AGO3: variants seen among roughly 807,000 people sequenced by gnomAD.
AGO3 encodes protein argonaute-3.
In AGO3, 16 loss-of-function variants were observed where a neutral mutation model predicts 105.5. The ratio of observed to expected loss-of-function variants is 0.15; its 90% confidence interval spans 0.10 to 0.23. AGO3 has a LOEUF of 0.23. AGO3 is among the 10% of genes least tolerant of loss of function. The pLI is 1.00. For missense variants in AGO3, 534 were observed against 1,088.0 expected (o/e 0.49, Z 7.16); for synonymous variants, 340 against 367.3 (o/e 0.93, Z 0.85).
At chr1:36,018,142 T>G (rs1641003942) in intron 11 of AGO3, among the ~76,000 whole-genome samples, 1 of 151,384 alleles carries the variant, frequency 6.6e-6, no homozygotes, top group South Asian at 2.1e-4. Flanking sequence ...CCCAACTAAT[T>G]TTTTGTATTC....
chr1:35,996,993 G>T (rs1639859364), intron 5 of AGO3, among the ~76,000 whole-genome samples: 1 of 152,046 alleles, frequency 6.6e-6, no homozygotes, highest in South Asian at 2.1e-4. Context: ...AAAATAGTTT[G>T]GCGGCCAGAC....
Position 36,027,006 on chromosome 1 carries a change from C to T in AGO3, c.1407-108C>T. The stretch of plus-strand genomic sequence containing the variant: ...CTGGTGACCTCTCATATATGAAGCA[C>T]ACAAATCTTTGCTTCATCCTTCCAT... On this transcript the variant is annotated intron_variant, in intron 11 of 18. Coordinates refer to ENST00000373191, the MANE Select transcript of AGO3 (RefSeq NM_024852.4). The surrounding 1 kb of genome is among the most constrained non-coding windows in gnomAD (Gnocchi z 4.0). 1.6e-6 allele frequency: 2 copies of T among 1,288,688 alleles called. No homozygotes were observed. The highest frequency in any genetic ancestry group is 1.1e-6 in the Non-Finnish European group (1 of 925,384). The allele number at this position is 1,288,688 out of a possible 1,614,324, so 79.8% of individuals were successfully genotyped here.
At chr1:35,988,685 G>A (rs1010017204) in intron 5 of AGO3, among the ~76,000 whole-genome samples, 6 of 151,872 alleles carry the variant, frequency 4.0e-5, no homozygotes, top group Admixed American at 3.9e-4. Context: ...TCTGTCGATG[G>A]TCGCTTAGGT....
intron 5 of AGO3, among the ~76,000 whole-genome samples, chr1:36,002,969 G>T (rs1641612414): frequency 6.6e-6 from 1 of 152,112 alleles, no homozygotes; most frequent in Non-Finnish European, 1.5e-5. Flanking sequence ...TACTCAGGAG[G>T]CTGAGGCAGG....
intron 11 of AGO3, among the ~76,000 whole-genome samples, chr1:36,021,394 G>T (rs112664259): frequency 1.3e-5 from 2 of 151,944 alleles, no homozygotes; most frequent in Non-Finnish European, 2.9e-5. Context: ...ATAGTTTAAC[G>T]TAATAACCAT....
intron 17 of AGO3, among the ~76,000 whole-genome samples, chr1:36,047,033 T>C (rs1402189000): frequency 6.6e-6 from 1 of 151,988 alleles, no homozygotes; most frequent in Admixed American, 6.6e-5. Flanking sequence ...ACACCTGAGG[T>C]CGGGAGTTCA....
At chr1:35,960,645 A>C (rs995170779) in intron 2 of AGO3, among the ~76,000 whole-genome samples, 1 of 151,952 alleles carries the variant, frequency 6.6e-6, no homozygotes, top group Admixed American at 6.6e-5. Context: ...CCATCTCTTT[A>C]AAAAAAATTC....
intron 2 of AGO3, among the ~76,000 whole-genome samples, chr1:35,948,015 C>T (rs1158327625): frequency 6.6e-6 from 1 of 152,200 alleles, no homozygotes; most frequent in African/African-American, 2.4e-5. Context: ...GTGATTGTGC[C>T]TGTGAACAGC....
chr1:36,018,755 A>G (rs1332966173), intron 11 of AGO3, among the ~76,000 whole-genome samples: 1 of 152,102 alleles, frequency 6.6e-6, no homozygotes, highest in East Asian at 1.9e-4. Flanking sequence ...TTTATCCTTC[A>G]CAAATAAAAG....
At chr1:36,010,730 A>C (rs1185679267) in intron 9 of AGO3, among the ~76,000 whole-genome samples, 1 of 151,914 alleles carries the variant, frequency 6.6e-6, no homozygotes, top group East Asian at 1.9e-4. Flanking sequence ...AACATAGAGA[A>C]ACTCCGTGTC....
Position 36,027,044 on chromosome 1 carries a change from C to G in AGO3, c.1407-70C>G. 1 of 1,509,486 alleles carries G rather than the reference C, an allele frequency of 6.6e-7. No homozygotes were observed. The highest frequency in any genetic ancestry group is 8.9e-7 in the Non-Finnish European group (1 of 1,119,374). 93.5% of individuals were successfully genotyped at this position (1,509,486 alleles called of 1,614,324 possible). The stretch of plus-strand genomic sequence containing the variant: ...TTCATCCTTCCATTCCCTTCCCAAA[C>G]TTCCCATTACTACTTTGTAGGAATT... On this transcript the variant is annotated intron_variant, in intron 11 of 18. Coordinates refer to ENST00000373191, the MANE Select transcript of AGO3 (RefSeq NM_024852.4). The surrounding 1 kb of genome is among the most constrained non-coding windows in gnomAD (Gnocchi z 4.0).
intron 5 of AGO3, among the ~76,000 whole-genome samples, chr1:35,995,508 G>A (rs967979117): frequency 3.3e-5 from 5 of 151,972 alleles, no homozygotes; most frequent in African/African-American, 7.3e-5. Flanking sequence ...TGCCAAAAAG[G>A]TTAGTCTTCT....
intron 6 of AGO3, among the ~76,000 whole-genome samples, chr1:36,006,906 T>G (rs1404988448): frequency 6.6e-6 from 1 of 152,254 alleles, no homozygotes; most frequent in Non-Finnish European, 1.5e-5. Flanking sequence ...GGTACTAATT[T>G]TCTTACCTAA....
At chr1:35,960,253 T>G (rs1370435268) in intron 2 of AGO3, among the ~76,000 whole-genome samples, 1 of 152,188 alleles carries the variant, frequency 6.6e-6, no homozygotes, top group African/African-American at 2.4e-5. Flanking sequence ...AAGATTCTAA[T>G]AAACTACCCT....
At chr1:35,999,894 T>A (rs528496365) in intron 5 of AGO3, among the ~76,000 whole-genome samples, 2 of 152,218 alleles carry the variant, frequency 1.3e-5, no homozygotes, top group South Asian at 4.1e-4. Flanking sequence ...TAAAATTAAG[T>A]TGAATTTACC....
Position 36,043,513 on chromosome 1 carries a change from T to G in AGO3, c.2239T>G (p.Phe747Val). 1 of 1,613,482 alleles carries G rather than the reference T, an allele frequency of 6.2e-7. No individual in the cohort carries two copies. The highest frequency in any genetic ancestry group is 8.5e-7 in the Non-Finnish European group (1 of 1,179,738). ...TACAGACATTACACACCCATATGAG[T>G]TCGATTTTTACCTCTGTAGCCATGC... ...VDTDITHPYE[F>V]DFYLCSHAGI... Residue 747 changes from phenylalanine to valine, a missense_variant, in exon 17 of 19, where the codon TTC (phenylalanine) becomes GTC (valine). Around this residue, in one of 2 missense-constraint regions of AGO3, gnomAD observed 373 missense variants for 854.0 expected, o/e 0.44. Transcript: ENST00000373191.
Position 35,973,435 on chromosome 1 carries a change from A to G in AGO3, c.582A>G (p.Gly194=). Residue 194 remains glycine, a synonymous_variant, in exon 5 of 19, where the codon GGA becomes GGG. Coordinates refer to ENST00000373191, the MANE Select transcript of AGO3 (RefSeq NM_024852.4). ...CAGAAGGATATGACCACCCTCTGGG[A>G]GGGGGCAGGGAAGTGTGGTTTGGAT... The part of the protein sequence containing the change: ...SAPEGYDHPL[G]GGREVWFGFH... The G allele has an allele frequency of 6.3e-7, 1 of 1,592,718 alleles. No individual in the cohort carries two copies. Among genetic ancestry groups the G allele is most frequent in the Non-Finnish European group, 8.6e-7 (1 of 1,166,642 alleles).
chr1:35,933,918 T>G (rs1370379469), intron 1 of AGO3, among the ~76,000 whole-genome samples: 5 of 152,186 alleles, frequency 3.3e-5, no homozygotes, highest in African/African-American at 1.2e-4. Flanking sequence ...TTAGTATTTG[T>G]TCTTTCATAT....
intron 6 of AGO3, among the ~76,000 whole-genome samples, chr1:36,005,249 T>C (rs894315157): frequency 6.6e-6 from 1 of 152,218 alleles, no homozygotes; most frequent in African/African-American, 2.4e-5. Context: ...TTATTGCAGA[T>C]AATTTTCAGC....
Sources: allele counts gnomAD v4.1 joint callset (sites outside exome capture counted in the v4.1 genomes callset), GRCh38; gene constraint gnomAD v4.1.1; regional missense constraint gnomAD v4.1.1; non-coding constraint Gnocchi (gnomAD v3.1); transcripts MANE v1.5; gene names NCBI Gene and HGNC (gene_info 2026-07-23, HGNC 2026-07-21).